Variants in MAN1A1 observed in about 807,000 individuals in gnomAD.
MAN1A1 encodes mannosyl-oligosaccharide 1,2-alpha-mannosidase IA.
MAN1A1 carries 29 observed loss-of-function variants against 70.8 expected under a neutral mutation model. The ratio of observed to expected loss-of-function variants is 0.41; its 90% CI spans 0.31 to 0.56. The LOEUF (loss-of-function observed/expected upper bound fraction) is 0.56. MAN1A1 is among the 20% of genes least tolerant of loss of function. The pLI is 0.29. For missense variants in MAN1A1, 747 were observed against 841.3 expected, an observed-to-expected ratio of 0.89 and a Z score of 1.39; for synonymous variants, 349 against 330.1, an observed-to-expected ratio of 1.06 and a Z score of -0.62.
At chr6:119,207,841 C>T (rs796802148) in intron 6 of MAN1A1, among the ~76,000 whole-genome samples, 29 of 152,134 alleles carry the variant, frequency 1.9e-4, no homozygotes, top group African/African-American at 5.3e-4. Flanking sequence ...CACAGTGTCT[C>T]GGGCATTCCC....
At chr6:119,277,936 CAAAAAAA>C (rs58837799) in intron 5 of MAN1A1, among the ~76,000 whole-genome samples, 1 of 23,176 alleles carries the variant, frequency 4.3e-5, no homozygotes, top group Non-Finnish European at 7.4e-5. Flanking sequence ...GACTCCATCT[CAAAAAAA>C]AAAAAAAAAA....
chr6:119,271,870 G>A (rs1051271074), intron 5 of MAN1A1, among the ~76,000 whole-genome samples: 3 of 152,130 alleles, frequency 2.0e-5, no homozygotes, highest in Non-Finnish European at 4.4e-5. Flanking sequence ...GAAAGAAAGA[G>A]ATCTAGTAAG....
At chr6:119,205,158 T>TA (rs1773825785) in intron 6 of MAN1A1, among the ~76,000 whole-genome samples, 1 of 152,214 alleles carries the variant, frequency 6.6e-6, no homozygotes, top group African/African-American at 2.4e-5. Context: ...ATACAGGTGC[T>TA]ATATAGATGC....
chr6:119,260,622 A>G (rs1310451443), intron 5 of MAN1A1, among the ~76,000 whole-genome samples: 1 of 152,176 alleles, frequency 6.6e-6, no homozygotes, highest in Non-Finnish European at 1.5e-5. Flanking sequence ...AATTTTGCTA[A>G]TTTACTTGAA....
intron 2 of MAN1A1, among the ~76,000 whole-genome samples, chr6:119,307,858 G>A (rs1328911737): frequency 6.6e-6 from 1 of 152,136 alleles, no homozygotes; most frequent in East Asian, 1.9e-4. Context: ...GTATCTTAAA[G>A]CATCACACAA....
chr6:119,185,379 A>C lies in MAN1A1; in HGVS notation c.1719+3026T>G, dbSNP rs1773258675. Among the ~76,000 whole-genome samples the C allele has an allele frequency of 5.9e-5, 9 of 152,184 alleles. 1 individual carries two copies. In the South Asian group the frequency reaches 1.9e-3, roughly 32 times the overall value. On this transcript the variant is annotated intron_variant, in intron 11 of 12. Coordinates refer to ENST00000368468, the MANE Select transcript of MAN1A1 (RefSeq NM_005907.4). ...TGACATTATTATTAGAAATTTAATT[A>C]AGACACAGAAAGCAGGTTTCTCAAG...
At chr6:119,243,872 C>A (rs921860456) in intron 6 of MAN1A1, among the ~76,000 whole-genome samples, 3 of 152,054 alleles carry the variant, frequency 2.0e-5, no homozygotes, top group African/African-American at 7.2e-5. Flanking sequence ...CAGTCATTTC[C>A]TATACACACC....
intron 5 of MAN1A1, among the ~76,000 whole-genome samples, chr6:119,275,465 C>T (rs1229035344): frequency 2.0e-5 from 3 of 147,640 alleles, no homozygotes; most frequent in Non-Finnish European, 3.0e-5. Flanking sequence ...CGCCACTACG[C>T]CCGGCTAATT....
intron 6 of MAN1A1, among the ~76,000 whole-genome samples, chr6:119,205,866 G>T (rs929470277): frequency 6.6e-6 from 1 of 152,202 alleles, no homozygotes; most frequent in African/African-American, 2.4e-5. Context: ...TACAAGCATG[G>T]TTATGATAAT....
chr6:119,230,402 G>A (rs1017123957), intron 6 of MAN1A1, among the ~76,000 whole-genome samples: 3 of 152,110 alleles, frequency 2.0e-5, no homozygotes, highest in African/African-American at 7.2e-5. Flanking sequence ...GTCAGTGTTC[G>A]CTCTCCAGCC....
At chr6:119,297,175 T>C (rs982732111) in intron 4 of MAN1A1, among the ~76,000 whole-genome samples, 5 of 152,292 alleles carry the variant, frequency 3.3e-5, no homozygotes, top group African/African-American at 1.2e-4. Context: ...ATCTTCCTGT[T>C]ATCAGGGGCC....
At position 119,348,678 on chromosome 6, in the gene MAN1A1, G is replaced by T; in HGVS notation, c.388C>A (p.Arg130=). ...GTCTCCTTGGCTTCCCTGAGAGCCC[G>T]CTCGTGGTTTTCGCGGATCCTGGCC... ...NLARIRENHE[R]ALREAKETLQ... Residue 130 remains arginine (R), a synonymous_variant, in exon 2 of 13, where the codon CGG becomes AGG. Coordinates refer to ENST00000368468, the MANE Select transcript of MAN1A1 (RefSeq NM_005907.4). 1 of 1,611,112 alleles carries T rather than the reference G, an allele frequency of 6.2e-7. No individual in the cohort carries two copies. Among genetic ancestry groups the T allele is most frequent in the Non-Finnish European group, 8.5e-7 (1 of 1,178,848 alleles).
chr6:119,206,760 C>G (rs184789277), intron 6 of MAN1A1, among the ~76,000 whole-genome samples: 145 of 152,354 alleles, frequency 9.5e-4, no homozygotes, highest in African/African-American at 3.4e-3. Flanking sequence ...TGACATATCA[C>G]TGTTTTATTC....
At chr6:119,307,325 T>C (rs1024459526) in intron 2 of MAN1A1, among the ~76,000 whole-genome samples, 2 of 152,190 alleles carry the variant, frequency 1.3e-5, no homozygotes, top group African/African-American at 4.8e-5. Context: ...TACATTTATC[T>C]AGTTCATTTT....
chr6:119,259,185 C>T (rs1775539682), intron 5 of MAN1A1, among the ~76,000 whole-genome samples: 1 of 152,164 alleles, frequency 6.6e-6, no homozygotes, highest in Non-Finnish European at 1.5e-5. Flanking sequence ...AATGAGACTT[C>T]TCACTGTTGT....
chr6:119,287,883 C>T (rs1776420742), intron 5 of MAN1A1, among the ~76,000 whole-genome samples: 1 of 152,028 alleles, frequency 6.6e-6, no homozygotes, highest in African/African-American at 2.4e-5. Context: ...ATTTAATATT[C>T]ATCTTATCCC....
At position 119,189,756 on chromosome 6, in the gene MAN1A1, C is replaced by T; in HGVS notation, c.1454G>A (p.Gly485Glu). 6.2e-7 allele frequency: 1 copy of T among 1,614,092 alleles called. No homozygotes were observed. Among genetic ancestry groups the T allele is most frequent in the Non-Finnish European group, 8.5e-7 (1 of 1,180,022 alleles). The change falls in exon 10 of 13, where the codon GGG becomes GAG. Residue 485 changes from glycine to glutamate, a missense_variant. Around this residue, in one of 2 missense-constraint regions of MAN1A1, gnomAD observed 419 missense variants for 548.2 expected, o/e 0.76. Coordinates refer to ENST00000368468, the MANE Select transcript of MAN1A1 (RefSeq NM_005907.4). ...CATGCCTTCGGGAGCTGCATCAGCC[C>T]CGAGTGCGAACATGCCCCCCGCGAA... is the stretch of plus-strand genomic sequence containing the variant. ...TCFAGGMFAL[G>E]ADAAPEGMAQ... is the part of the protein sequence containing the mutation.
chr6:119,306,885 CA>C lies in MAN1A1; in HGVS notation c.700+10del, dbSNP rs1562235271. 4 of 1,539,092 alleles carry C rather than the reference CA, an allele frequency of 2.6e-6. No homozygotes were observed. Among genetic ancestry groups the C allele is most frequent in the Non-Finnish European group, 1.8e-6 (2 of 1,112,670 alleles). ...TTATCGTCACTAAGAAACCAAAGCA[CA>C]TCTACTCACCAAACAAACTGCTTGA... is the stretch of plus-strand genomic sequence containing the variant. On this transcript the variant is annotated intron_variant, in intron 3 of 12. Transcript: ENST00000368468.
At chr6:119,192,434 A>G (rs13200504) in intron 9 of MAN1A1, among the ~76,000 whole-genome samples, 108,426 of 152,046 alleles carry the variant, frequency 0.71, 40,975 homozygotes, top group Non-Finnish European at 0.83. Context: ...TGGTTCCTAC[A>G]TGTGAAGTAG....
Sources: gnomAD v4.1 joint callset for allele counts (sites outside exome capture counted in the v4.1 genomes callset) on GRCh38, gnomAD v4.1.1 for gene constraint, gnomAD v4.1.1 regional missense constraint, MANE v1.5 for transcripts, NCBI Gene and HGNC (gene_info 2026-07-23, HGNC 2026-07-21) for gene names.